The following AKR1B1 variants were observed in gnomAD, a reference collection of about 807,000 sequenced individuals.
AKR1B1 encodes the protein aldo-keto reductase family 1 member B1.
AKR1B1 carries 22 observed loss-of-function variants against 40.4 expected under a neutral mutation model. The observed-to-expected ratio is 0.54, with a 90% confidence interval of 0.39 to 0.78. The LOEUF is 0.78. Ranked by LOEUF, AKR1B1 falls within the 30% of genes least tolerant of loss-of-function variation. The pLI is 0.00. For synonymous variants in AKR1B1, 157 were observed against 149.9 expected (o/e 1.05, Z -0.35); for missense variants, 357 against 396.7 (o/e 0.90, Z 0.85).
Position 134,450,976 on chromosome 7 carries a change from C to T in AKR1B1, c.235-74G>A, listed in dbSNP as rs755006352. ...TTCCTGGCTGGAAAGACAGAGCAGT[C>T]TCCTCTCCCCAAAACCCATTTGCTT... On this transcript the variant is annotated intron_variant, in intron 2 of 9. Coordinates refer to ENST00000285930, the MANE Select transcript of AKR1B1 (RefSeq NM_001628.4). The T allele has an allele frequency of 4.3e-5, 52 of 1,215,826 alleles. No homozygotes were observed. The Middle Eastern group carries it at 7.5e-4, about 18-fold the overall frequency. 75.3% of individuals were successfully genotyped at this position (1,215,826 alleles called of 1,614,324 possible).
chr7:134,447,272 C>A (rs1417687282), intron 8 of AKR1B1, 26 bp downstream of exon 8: 1 of 1,603,540 alleles, frequency 6.2e-7, no homozygotes, highest in Admixed American at 1.7e-5. Context: ...TGGAGGAGGG[C>A]CAGGCCTGAC....
intron 2 of AKR1B1, 61 bp downstream of exon 2, chr7:134,451,525 G>GC: frequency 6.3e-7 from 1 of 1,595,760 alleles, no homozygotes; most frequent in Non-Finnish European, 8.6e-7. Flanking sequence ...TTGGCTTTGG[G>GC]CTGATGCACC....
At chr7:134,451,944 A>T (rs1306919666) in intron 1 of AKR1B1, 191 bp from the exon 2 acceptor site, 5 of 661,048 alleles carry the variant, frequency 7.6e-6, no homozygotes, top group African/African-American at 1.8e-5. Context: ...AAGGCCACAC[A>T]GCATTGCCCT....
At chr7:134,445,071 G>A in intron 9 of AKR1B1, 167 bp downstream of exon 9, 1 of 704,218 alleles carries the variant, frequency 1.4e-6, no homozygotes, top group Non-Finnish European at 2.6e-6. Flanking sequence ...TTGGCTCCAT[G>A]CAGTTCAGCT....
At chr7:134,452,325 G>A (rs924500529) in intron 1 of AKR1B1, among the ~76,000 whole-genome samples, 3 of 152,162 alleles carry the variant, frequency 2.0e-5, no homozygotes, top group African/African-American at 4.8e-5. Context: ...AGGCCCATGT[G>A]TCAATTCTCA....
At chr7:134,443,222 C>A (rs1391675396) in intron 9 of AKR1B1, among the ~76,000 whole-genome samples, 1 of 152,164 alleles carries the variant, frequency 6.6e-6, no homozygotes, top group Non-Finnish European at 1.5e-5. Flanking sequence ...CTAGCCTGGG[C>A]AACATAGCAA....
At chr7:134,451,220 C>T in intron 2 of AKR1B1, 1 of 534,728 alleles carries the variant, frequency 1.9e-6, no homozygotes, top group South Asian at 2.0e-5. Flanking sequence ...CATCCTCCTG[C>T]CTCATGTCCT....
At chr7:134,454,896 T>C (rs1291965125) in intron 1 of AKR1B1, among the ~76,000 whole-genome samples, 3 of 152,232 alleles carry the variant, frequency 2.0e-5, no homozygotes, top group Non-Finnish European at 4.4e-5. Flanking sequence ...GACACTGCTG[T>C]TTCCAACTAG....
chr7:134,446,274 G>A (rs910819689), intron 8 of AKR1B1, among the ~76,000 whole-genome samples: 5 of 152,056 alleles, frequency 3.3e-5, no homozygotes, highest in African/African-American at 7.2e-5. Flanking sequence ...CTACCTGCAC[G>A]TAAGAAGAAA....
chr7:134,451,043 G>C (rs146403676), intron 2 of AKR1B1, 141 bp from the exon 3 acceptor site: 35 of 736,962 alleles, frequency 4.7e-5, no homozygotes, highest in Non-Finnish European at 7.5e-5. Context: ...TTTCCACTGC[G>C]TACTGGATCC....
At chr7:134,450,565 G>T (rs900537442) in intron 3 of AKR1B1, among the ~76,000 whole-genome samples, 1 of 152,210 alleles carries the variant, frequency 6.6e-6, no homozygotes, top group Admixed American at 6.5e-5. Flanking sequence ...AGAAGTGTGC[G>T]TATGAGTCAC....
At position 134,452,585 on chromosome 7, in the gene AKR1B1, G is replaced by A. The variant is rs1405456104; in HGVS notation, c.67-832C>T. 2.0e-5 allele frequency among the ~76,000 whole-genome samples: 3 copies of A among 152,150 alleles called. No individual in the cohort carries two copies. The East Asian group carries it at 5.8e-4, about 29-fold the overall frequency. ...GAGGAGGAAGTGCCTACATGGCATC[G>A]CGCTTCACTGGCACCCAGGTAGGCT... On this transcript the variant is annotated intron_variant, in intron 1 of 9. Coordinates refer to ENST00000285930, the MANE Select transcript of AKR1B1 (RefSeq NM_001628.4).
intron 1 of AKR1B1, among the ~76,000 whole-genome samples, chr7:134,454,616 A>G (rs1208612942): frequency 6.6e-6 from 1 of 152,224 alleles, no homozygotes; most frequent in Non-Finnish European, 1.5e-5. Context: ...ATATTTTGCA[A>G]TATTAACCAC....
intron 1 of AKR1B1, among the ~76,000 whole-genome samples, chr7:134,457,753 AG>A (rs1806515398): frequency 6.6e-6 from 1 of 152,198 alleles, no homozygotes; most frequent in Non-Finnish European, 1.5e-5. Flanking sequence ...TCACACCTGT[AG>A]CTTTGGGAGG....
chr7:134,447,040 G>A (rs891267670), intron 8 of AKR1B1, among the ~76,000 whole-genome samples: 3 of 152,198 alleles, frequency 2.0e-5, no homozygotes, highest in Admixed American at 6.5e-5. Context: ...GTAACCTCTC[G>A]GTGTGGCTGA....
intron 9 of AKR1B1, chr7:134,444,946 A>G (rs973627290): frequency 3.8e-6 from 2 of 526,938 alleles, no homozygotes; most frequent in Non-Finnish European, 6.9e-6. Flanking sequence ...CTAGTTTCAG[A>G]TGAACTGCTA....
chr7:134,455,881 A>G (rs964864835), intron 1 of AKR1B1, among the ~76,000 whole-genome samples: 37 of 152,136 alleles, frequency 2.4e-4, no homozygotes, highest in Non-Finnish European at 4.7e-4. Context: ...TTACTATCCA[A>G]TGTAGAAGGC....
intron 9 of AKR1B1, 183 bp downstream of exon 9, chr7:134,445,055 G>A (rs1806053173): frequency 1.5e-6 from 1 of 677,174 alleles, no homozygotes; most frequent in Admixed American, 2.1e-5. Context: ...CGGATCTCTT[G>A]GCATCTTGGC....
Position 134,449,024 on chromosome 7 carries a change from GC to G in AKR1B1, c.524del (p.Gly175AlafsTer2). 1 of 1,614,110 alleles carries G rather than the reference GC, an allele frequency of 6.2e-7. No individual in the cohort carries two copies. The highest frequency in any genetic ancestry group is 1.1e-5 in the South Asian group (1 of 91,082). ...LQVEMILNKP[G>X]LKYKPAVNQI... ...GGTTAACTGCAGGCTTATACTTCAA[GC>G]CAGGTTTGTTTAAGATCATCTCCAC... On this transcript the variant is annotated frameshift_variant, in exon 5 of 10. Transcript: ENST00000285930. LOFTEE classifies it high-confidence loss of function.
Sources: allele counts gnomAD v4.1 joint callset (sites outside exome capture counted in the v4.1 genomes callset), GRCh38; gene constraint gnomAD v4.1.1; transcripts MANE v1.5; gene names NCBI Gene and HGNC (gene_info 2026-07-23, HGNC 2026-07-21).